Variants in DOCK1 observed in about 807,000 individuals in gnomAD.
The protein encoded by DOCK1 is dedicator of cytokinesis protein 1.
DOCK1 carries 138 observed loss-of-function variants against 262.7 expected under a neutral mutation model. The observed-to-expected ratio is 0.53, with a 90% confidence interval of 0.46 to 0.61. The LOEUF (loss-of-function observed/expected upper bound fraction) is 0.61. Ranked by LOEUF, DOCK1 falls within the 20% of genes least tolerant of loss-of-function variation. The probability of loss-of-function intolerance (pLI) is 0.00; values close to 1 mark genes in which losing one functional copy is unlikely to be tolerated. For synonymous variants in DOCK1, 866 were observed against 867.4 expected, an observed-to-expected ratio of 1.00 and a Z score of 0.03; for missense variants, 1,908 against 2,370.7, an observed-to-expected ratio of 0.80 and a Z score of 4.05.
At chr10:127,165,753 G>A (rs943296138) in intron 27 of DOCK1, among the ~76,000 whole-genome samples, 13 of 152,246 alleles carry the variant, frequency 8.5e-5, no homozygotes, top group Middle Eastern at 3.4e-3. Context: ...AAGGAGAGAC[G>A]TTGCATCCTG....
At chr10:127,201,116 C>T (rs939306195) in intron 27 of DOCK1, among the ~76,000 whole-genome samples, 2 of 152,224 alleles carry the variant, frequency 1.3e-5, no homozygotes, top group Admixed American at 6.5e-5. Flanking sequence ...ACACTTTAGC[C>T]TTGTCTTTCA....
intron 29 of DOCK1, among the ~76,000 whole-genome samples, chr10:127,308,700 C>T (rs1310491940): frequency 3.3e-5 from 5 of 152,234 alleles, no homozygotes. Flanking sequence ...GTTTTTTGTT[C>T]CTGTATGAGT....
intron 29 of DOCK1, among the ~76,000 whole-genome samples, chr10:127,282,826 C>G (rs542980538): frequency 6.6e-6 from 1 of 152,326 alleles, no homozygotes; most frequent in African/African-American, 2.4e-5. Flanking sequence ...TAGTGGCAGC[C>G]TTTATTTTTC....
At chr10:127,422,837 G>A (rs1443908837) in intron 46 of DOCK1, among the ~76,000 whole-genome samples, 2 of 152,052 alleles carry the variant, frequency 1.3e-5, no homozygotes, top group African/African-American at 2.4e-5. Flanking sequence ...AAACTAGTTT[G>A]GTCTGCAAAA....
chr10:127,384,785 C>A lies in DOCK1; in HGVS notation c.3808-5C>A, dbSNP rs192470466. On this transcript the variant is annotated splice_region_variant and splice_polypyrimidine_tract_variant and intron_variant, in intron 37 of 51. Transcript: ENST00000623213. ...GGGTCCGCTCATGCTATGCTTCTCCCTTAGTGGTCGGAGGATGTGTGTGTG... is the reference window on the plus strand; with the variant it reads ...GGGTCCGCTCATGCTATGCTTCTCCATTAGTGGTCGGAGGATGTGTGTGTG... 7 of 1,569,802 alleles carry A rather than the reference C, an allele frequency of 4.5e-6. No homozygotes were observed. The highest frequency in any genetic ancestry group is 2.0e-5 in the Admixed American group (1 of 49,540).
chr10:126,916,033 A>G (rs2032449971), intron 1 of DOCK1, among the ~76,000 whole-genome samples: 1 of 152,230 alleles, frequency 6.6e-6, no homozygotes, highest in African/African-American at 2.4e-5. Context: ...CTTAAAAGTT[A>G]GGCGTTGGGA....
intron 33 of DOCK1, among the ~76,000 whole-genome samples, chr10:127,363,683 G>T (rs2064724390): frequency 6.6e-6 from 1 of 152,112 alleles, no homozygotes; most frequent in Non-Finnish European, 1.5e-5. Flanking sequence ...TCATTTAAGG[G>T]AGCTTTGAGT....
chr10:127,078,094 A>G (rs1279479326), intron 23 of DOCK1, among the ~76,000 whole-genome samples: 1 of 152,156 alleles, frequency 6.6e-6, no homozygotes, highest in Non-Finnish European at 1.5e-5. Flanking sequence ...TCCTGAGCTG[A>G]CACACTGGAA....
At chr10:127,187,006 C>T (rs1454954316) in intron 27 of DOCK1, among the ~76,000 whole-genome samples, 2 of 152,130 alleles carry the variant, frequency 1.3e-5, no homozygotes, top group South Asian at 4.1e-4. Context: ...GTTTTGGTTG[C>T]TCTTAAAGGG....
At chr10:127,431,336 C>T (rs2069273219) in intron 47 of DOCK1, among the ~76,000 whole-genome samples, 1 of 152,230 alleles carries the variant, frequency 6.6e-6, no homozygotes, top group African/African-American at 2.4e-5. Context: ...GCCCAGTAAA[C>T]CCATGGTCGC....
chr10:127,341,249 G>A (rs2063412615), intron 30 of DOCK1, among the ~76,000 whole-genome samples: 2 of 152,180 alleles, frequency 1.3e-5, no homozygotes, highest in South Asian at 4.1e-4. Flanking sequence ...AATTATAAAT[G>A]TATGTGTGTA....
At chr10:127,160,112 A>G (rs1429880570) in intron 27 of DOCK1, among the ~76,000 whole-genome samples, 1 of 150,512 alleles carries the variant, frequency 6.6e-6, no homozygotes, top group East Asian at 1.9e-4. Context: ...CAAAACATGA[A>G]TTGTTTGGTT....
intron 29 of DOCK1, among the ~76,000 whole-genome samples, chr10:127,277,547 C>G (rs1435008129): frequency 2.0e-5 from 3 of 152,056 alleles, no homozygotes; most frequent in African/African-American, 7.2e-5. Context: ...CACCTGAGGT[C>G]AGGAGTTCGA....
At chr10:127,291,526 T>C (rs1265020148) in intron 29 of DOCK1, among the ~76,000 whole-genome samples, 1 of 152,160 alleles carries the variant, frequency 6.6e-6, no homozygotes, top group African/African-American at 2.4e-5. Context: ...GCCCCATGTG[T>C]TGGGAGCGCC....
At chr10:127,278,047 C>G (rs192316668) in intron 29 of DOCK1, among the ~76,000 whole-genome samples, 18 of 151,598 alleles carry the variant, frequency 1.2e-4, no homozygotes, top group Admixed American at 8.5e-4. Context: ...AATCCATGCG[C>G]ACACGCTTCC....
intron 25 of DOCK1, among the ~76,000 whole-genome samples, chr10:127,113,008 C>T (rs2048958336): frequency 6.6e-6 from 1 of 152,166 alleles, no homozygotes; most frequent in Admixed American, 6.5e-5. Context: ...AGAAATCTTC[C>T]AGTTGGTCCA....
At chr10:127,181,525 T>C (rs950134013) in intron 27 of DOCK1, among the ~76,000 whole-genome samples, 6 of 152,186 alleles carry the variant, frequency 3.9e-5, no homozygotes, top group Non-Finnish European at 7.3e-5. Flanking sequence ...GTAAGATAGC[T>C]AGGCAAGCAG....
chr10:127,250,791 C>CTAAAAA (rs2059603479), intron 28 of DOCK1, among the ~76,000 whole-genome samples: 1 of 64,038 alleles, frequency 1.6e-5, no homozygotes, highest in Admixed American at 2.6e-4. Context: ...GACTCCGTCT[C>CTAAAAA]AAAAAAAAAA....
intron 35 of DOCK1, among the ~76,000 whole-genome samples, chr10:127,375,874 A>G (rs1008029161): frequency 1.3e-5 from 2 of 152,200 alleles, no homozygotes; most frequent in Admixed American, 6.5e-5. Flanking sequence ...ACAATCAACA[A>G]TTATTAGTTC....
Sources: allele counts gnomAD v4.1 joint callset (sites outside exome capture counted in the v4.1 genomes callset), GRCh38; gene constraint gnomAD v4.1.1; transcripts MANE v1.5; gene names NCBI Gene and HGNC (gene_info 2026-07-23, HGNC 2026-07-21).